The following BCL2L14 variants were observed in gnomAD, a reference collection of about 807,000 sequenced individuals.
BCL2L14 encodes the protein apoptosis facilitator Bcl-2-like protein 14.
A neutral mutation model predicts 35.3 loss-of-function variants in BCL2L14; 27 were observed. That is an observed-to-expected ratio of 0.76 (90% CI 0.56 to 1.05). The LOEUF (loss-of-function observed/expected upper bound fraction) is 1.05, where lower values mean the gene tolerates loss of function less well. Ranked by LOEUF, BCL2L14 falls within the 50% of genes least tolerant of loss-of-function variation. The pLI is 0.00. For missense variants in BCL2L14, 377 were observed against 382.6 expected (o/e 0.99, Z 0.12); for synonymous variants, 139 against 145.9 (o/e 0.95, Z 0.34).
chr12:12,097,844 C>T (rs1370834718), intron 5 of BCL2L14, among the ~76,000 whole-genome samples: 5 of 151,640 alleles, frequency 3.3e-5, no homozygotes, highest in African/African-American at 1.2e-4. Context: ...AGTAGGAATA[C>T]TAAAGTGGAT....
At chr12:12,076,364 G>C (rs923961770) in intron 1 of BCL2L14, among the ~76,000 whole-genome samples, 3 of 152,170 alleles carry the variant, frequency 2.0e-5, no homozygotes, top group African/African-American at 7.2e-5. Flanking sequence ...AAGTGAATGT[G>C]AAATTGGAGC....
chr12:12,069,349 G>A (rs925213796), upstream of BCL2L14, among the ~76,000 whole-genome samples: 3 of 152,072 alleles, frequency 2.0e-5, no homozygotes, highest in Non-Finnish European at 2.9e-5. Context: ...GCCAGACCCT[G>A]TTTATTCTTG....
At position 12,088,205 on chromosome 12, in the gene BCL2L14, C is replaced by T. The variant is rs144375111; in HGVS notation, c.607+819C>T. ...GAAAGGAGAACAGCTCTCTCTCCTGCGACAGAGAGGGGAACCCAAATGTGA... is the reference window on the plus strand; with the variant it reads ...GAAAGGAGAACAGCTCTCTCTCCTGTGACAGAGAGGGGAACCCAAATGTGA... On this transcript the variant is annotated intron_variant, in intron 3 of 5. Transcript: ENST00000308721. 7.9e-5 allele frequency among the ~76,000 whole-genome samples: 12 copies of T among 152,256 alleles called. No individual in the cohort carries two copies. The South Asian group carries it at 2.5e-3, about 32-fold the overall frequency.
At chr12:12,091,279 C>T (rs1309984778) in intron 4 of BCL2L14, among the ~76,000 whole-genome samples, 1 of 152,222 alleles carries the variant, frequency 6.6e-6, no homozygotes, top group Admixed American at 6.5e-5. Context: ...CCTGTAGTTG[C>T]TGGACTGTTG....
At chr12:12,098,853 G>A (rs549559090) in intron 5 of BCL2L14, 97 bp from the exon 6 acceptor site, 199 of 875,556 alleles carry the variant, frequency 2.3e-4, no homozygotes, top group Middle Eastern at 1.7e-3. Context: ...CCTGAGCCTC[G>A]GGTCACGCCT....
intron 2 of BCL2L14, among the ~76,000 whole-genome samples, chr12:12,061,963 C>T (rs944388316): frequency 6.6e-5 from 10 of 152,172 alleles, no homozygotes; most frequent in African/African-American, 1.9e-4. Context: ...GAGCCAGGAC[C>T]GCACCCTGTA....
intron 3 of BCL2L14, among the ~76,000 whole-genome samples, chr12:12,088,991 G>A (rs1056239994): frequency 6.6e-6 from 1 of 152,240 alleles, no homozygotes; most frequent in Non-Finnish European, 1.5e-5. Flanking sequence ...CTGTGCACAG[G>A]AGAAATACAG....
At chr12:12,091,316 C>A (rs1308649292) in intron 4 of BCL2L14, among the ~76,000 whole-genome samples, 3 of 152,208 alleles carry the variant, frequency 2.0e-5, no homozygotes, top group African/African-American at 7.2e-5. Flanking sequence ...CTTAGCAGTT[C>A]AGCCAGGGAG....
rs536423532 is a variant in BCL2L14, at chr12:12,095,764, C to T, written c.945+834C>T. 7 of 985,388 alleles carry T rather than the reference C, an allele frequency of 7.1e-6. No homozygotes were observed. In the East Asian group the frequency reaches 7.9e-4, roughly 112 times the overall value. 61.0% of individuals were successfully genotyped at this position (985,388 alleles called of 1,614,324 possible). ...CCTGGGACCTCCACACAGCCTTGGT[C>T]TCTTTGCTGATGGAAGGAAAGTGCA... is the stretch of plus-strand genomic sequence containing the variant. On this transcript the variant is annotated intron_variant, in intron 5 of 5. Transcript: ENST00000308721.
At chr12:12,086,030 G>A (rs935048054) in intron 2 of BCL2L14, among the ~76,000 whole-genome samples, 1 of 152,174 alleles carries the variant, frequency 6.6e-6, no homozygotes, top group African/African-American at 2.4e-5. Context: ...TAGGATTTAG[G>A]TTGGGTGTGG....
At chr12:12,051,664 A>C (rs770540971) in intron 1 of BCL2L14, 7 of 152,202 alleles carry the variant, frequency 4.6e-5, no homozygotes, top group Non-Finnish European at 1.0e-4. Flanking sequence ...TCTCTCTTCT[A>C]AGATAAATAG....
intron 2 of BCL2L14, among the ~76,000 whole-genome samples, chr12:12,065,471 G>A (rs920935850): frequency 6.6e-6 from 1 of 151,222 alleles, no homozygotes; most frequent in Admixed American, 6.6e-5. Context: ...GGGAGGCGGA[G>A]GTTGCAGTGA....
intron 2 of BCL2L14, among the ~76,000 whole-genome samples, chr12:12,080,931 C>G (rs181619729): frequency 6.6e-6 from 1 of 152,272 alleles, no homozygotes; most frequent in Non-Finnish European, 1.5e-5. Flanking sequence ...TACCTGTAAT[C>G]CCAGCACTTT....
Position 12,095,086 on chromosome 12 carries a change from C to T in BCL2L14, c.945+156C>T. On this transcript the variant is annotated intron_variant, in intron 5 of 5. Transcript: ENST00000308721. ...CAGAGATAGATCCCATTGATGGGAA[C>T]ATATTTTTAGTGATTATCTTCATCA... 4.1e-6 allele frequency: 4 copies of T among 984,324 alleles called. No homozygotes were observed. The East Asian group carries it at 3.4e-4, about 84-fold the overall frequency. 61.0% of individuals were successfully genotyped at this position (984,324 alleles called of 1,614,324 possible).
At chr12:12,090,911 G>A (rs1477285322) in intron 4 of BCL2L14, 62 bp downstream of exon 4, 5 of 1,327,082 alleles carry the variant, frequency 3.8e-6, no homozygotes, top group Non-Finnish European at 5.3e-6. Context: ...ACACGAGAAT[G>A]GAATTGTATT....
intron 5 of BCL2L14, among the ~76,000 whole-genome samples, chr12:12,097,254 T>C (rs4254157): frequency 0.2 from 29,860 of 152,220 alleles, 3,184 homozygotes; most frequent in South Asian, 0.28. Context: ...TGAATGTTCA[T>C]AGCTTCCATT....
At chr12:12,061,689 G>A (rs1399562882) in intron 2 of BCL2L14, among the ~76,000 whole-genome samples, 1 of 152,086 alleles carries the variant, frequency 6.6e-6, no homozygotes, top group Non-Finnish European at 1.5e-5. Flanking sequence ...TCTCTTCGCT[G>A]TCACCTGGAC....
chr12:12,066,112 T>C (rs1948591576), upstream of BCL2L14, among the ~76,000 whole-genome samples: 1 of 152,168 alleles, frequency 6.6e-6, no homozygotes, highest in South Asian at 2.1e-4. Flanking sequence ...TTGTGTCTGC[T>C]TCATCTTCAT....
chr12:12,092,708 G>T (rs1949216962), intron 4 of BCL2L14, among the ~76,000 whole-genome samples: 1 of 152,188 alleles, frequency 6.6e-6, no homozygotes, highest in African/African-American at 2.4e-5. Flanking sequence ...TTGGGAAACT[G>T]ATGAAGAGGA....
Sources: allele counts gnomAD v4.1 joint callset (sites outside exome capture counted in the v4.1 genomes callset), GRCh38; gene constraint gnomAD v4.1.1; transcripts MANE v1.5; gene names NCBI Gene and HGNC (gene_info 2026-07-23, HGNC 2026-07-21).